The following PPM1H variants were observed in gnomAD, a reference collection of about 807,000 sequenced individuals.
PPM1H encodes protein phosphatase, Mg2+/Mn2+ dependent 1H, also known as protein phosphatase 1H.
Under a neutral mutation model 54.9 loss-of-function variants are expected in PPM1H, and 27 were observed. The observed-to-expected ratio is 0.49, with a 90% CI of 0.36 to 0.68. PPM1H has a LOEUF of 0.68. PPM1H is among the 30% of genes least tolerant of loss of function. The pLI, the probability that PPM1H is intolerant of heterozygous loss-of-function variation, is 0.00. For synonymous variants in PPM1H, 305 were observed against 270.8 expected (o/e 1.13, Z -1.24); for missense variants, 596 against 667.8 (o/e 0.89, Z 1.19).
chr12:62,684,332 G>A (rs2076040186), intron 8 of PPM1H, among the ~76,000 whole-genome samples: 1 of 152,164 alleles, frequency 6.6e-6, no homozygotes, highest in Non-Finnish European at 1.5e-5. Flanking sequence ...AGGTTTGAGA[G>A]AAGCTCAGCA....
chr12:62,821,853 C>T (rs548034022), intron 2 of PPM1H, among the ~76,000 whole-genome samples: 37 of 152,190 alleles, frequency 2.4e-4, no homozygotes, highest in Admixed American at 2.0e-4. Flanking sequence ...ACTGCATCAA[C>T]TAATGGGCAA....
chr12:62,754,615 G>A (rs1368459050), intron 4 of PPM1H, among the ~76,000 whole-genome samples: 3 of 152,186 alleles, frequency 2.0e-5, no homozygotes, highest in African/African-American at 7.2e-5. Flanking sequence ...ATGAGGGCTA[G>A]TGAAAGAAAG....
chr12:62,790,446 C>T (rs2076695908), intron 3 of PPM1H, among the ~76,000 whole-genome samples: 1 of 152,130 alleles, frequency 6.6e-6, no homozygotes, highest in South Asian at 2.1e-4. Context: ...GTGGCACATG[C>T]CTGTAGTCTT....
chr12:62,857,237 T>G (rs141368143), intron 1 of PPM1H, among the ~76,000 whole-genome samples: 30 of 144,910 alleles, frequency 2.1e-4, no homozygotes, highest in Non-Finnish European at 1.2e-4. Context: ...AACAAACAAA[T>G]AAAGGAAGGA....
chr12:62,762,461 G>A (rs2076514941), intron 4 of PPM1H, among the ~76,000 whole-genome samples: 5 of 152,204 alleles, frequency 3.3e-5, no homozygotes, highest in Admixed American at 3.3e-4. Flanking sequence ...AGACTCTGTT[G>A]GAGGCTCAGA....
chr12:62,751,314 G>T (rs1387635145), intron 4 of PPM1H, among the ~76,000 whole-genome samples: 3 of 152,202 alleles, frequency 2.0e-5, no homozygotes, highest in Non-Finnish European at 4.4e-5. Flanking sequence ...GTCCCAAGAA[G>T]AGGAGTAAAC....
chr12:62,832,376 C>G, intron 1 of PPM1H, 97 bp from the exon 2 acceptor site: 2 of 1,161,822 alleles, frequency 1.7e-6, no homozygotes, highest in Non-Finnish European at 2.5e-6. Flanking sequence ...TACAACTGGC[C>G]CAGAACTACA....
At chr12:62,688,455 A>G (rs1342323992) in intron 8 of PPM1H, among the ~76,000 whole-genome samples, 2 of 152,154 alleles carry the variant, frequency 1.3e-5, no homozygotes, top group African/African-American at 4.8e-5. Flanking sequence ...AAAAACTGTA[A>G]TTACTTTTGC....
intron 1 of PPM1H, among the ~76,000 whole-genome samples, chr12:62,872,431 A>C (rs10506453): frequency 0.23 from 34,492 of 152,128 alleles, 4,249 homozygotes; most frequent in African/African-American, 0.32. Flanking sequence ...TGAATTTTAC[A>C]AATGGCATAG....
rs537613897 is a variant in PPM1H, at chr12:62,820,234, A to ACCT, written c.411+11879_411+11880insAGG. On this transcript the variant is annotated intron_variant, in intron 2 of 9. Transcript: ENST00000228705. ...TGCCACTGCTGAAGCTTGAGTAGGT[A>ACCT]AACAAAGCGGCTGGGGAAGCTCGAA... Among the ~76,000 whole-genome samples, 96 of 152,364 alleles carry ACCT rather than the reference A, an allele frequency of 6.3e-4. 1 individual carries two copies. In the South Asian group the frequency reaches 0.013, roughly 21 times the overall value.
At chr12:62,663,434 G>A (rs1375062428) in intron 9 of PPM1H, among the ~76,000 whole-genome samples, 2 of 152,100 alleles carry the variant, frequency 1.3e-5, no homozygotes, top group Non-Finnish European at 2.9e-5. Context: ...TGATCCTCCT[G>A]CTTCAGCCTC....
intron 1 of PPM1H, among the ~76,000 whole-genome samples, chr12:62,841,590 GT>G (rs1389031801): frequency 6.6e-6 from 1 of 152,116 alleles, no homozygotes; most frequent in Non-Finnish European, 1.5e-5. Flanking sequence ...ATCTGAAATT[GT>G]TTTTGCAGAT....
Position 62,934,345 on chromosome 12 carries a change from G to A in PPM1H, c.245+147C>T. The A allele has an allele frequency of 8.5e-7, 1 of 1,178,078 alleles. No individual in the cohort carries two copies. The highest frequency in any genetic ancestry group is 1.1e-6 in the Non-Finnish European group (1 of 881,334). The allele number at this position is 1,178,078 out of a possible 1,614,324, so 73.0% of individuals were successfully genotyped here. A position where few individuals can be genotyped will look rare whatever the true frequency, so the allele number is the denominator to read the frequency against. On this transcript the variant is annotated intron_variant, in intron 1 of 9. Coordinates refer to ENST00000228705, the MANE Select transcript of PPM1H (RefSeq NM_020700.2). This position sits in a 1 kb window ranked among gnomAD's most constrained non-coding sequence, Gnocchi z 4.2. ...AGTGGGGAGAAGAGGGAAATGGCCA[G>A]TGTAAGTAAAGAGCTCCCCGCCGAG... is the stretch of plus-strand genomic sequence containing the variant.
chr12:62,651,553 G>A (rs894105707), intron 9 of PPM1H, among the ~76,000 whole-genome samples: 1 of 152,140 alleles, frequency 6.6e-6, no homozygotes, highest in African/African-American at 2.4e-5. Flanking sequence ...TGGCTACCCA[G>A]GAAACTCATT....
intron 4 of PPM1H, among the ~76,000 whole-genome samples, chr12:62,787,052 G>A (rs2076676196): frequency 1.3e-5 from 2 of 152,200 alleles, no homozygotes; most frequent in African/African-American, 4.8e-5. Flanking sequence ...TTGTTCTCTG[G>A]GATCTTCCCT....
intron 4 of PPM1H, among the ~76,000 whole-genome samples, chr12:62,774,656 T>C (rs1165889715): frequency 6.6e-6 from 1 of 152,222 alleles, no homozygotes; most frequent in East Asian, 1.9e-4. Flanking sequence ...AACATCTGTC[T>C]CTGTAGTTAT....
At chr12:62,797,087 T>A (rs772943284) in intron 3 of PPM1H, among the ~76,000 whole-genome samples, 1 of 152,186 alleles carries the variant, frequency 6.6e-6, no homozygotes, top group East Asian at 1.9e-4. Flanking sequence ...CAGCATTCCA[T>A]TGAGGGACAA....
intron 1 of PPM1H, among the ~76,000 whole-genome samples, chr12:62,901,264 C>T (rs1871158589): frequency 6.6e-6 from 1 of 152,186 alleles, no homozygotes; most frequent in Non-Finnish European, 1.5e-5. Context: ...GGGAGGTGAG[C>T]TTACATTTAC....
At position 62,923,591 on chromosome 12, in the gene PPM1H, G is replaced by A. The variant is rs376206318; in HGVS notation, c.245+10901C>T. On this transcript the variant is annotated intron_variant, in intron 1 of 9. Transcript: ENST00000228705. ...TAATTTTTGTATTTTAAGTAGTGACGAGGTTTCACCACATCGGCCAAGCTG... is the reference window on the plus strand; with the variant it reads ...TAATTTTTGTATTTTAAGTAGTGACAAGGTTTCACCACATCGGCCAAGCTG... Among the ~76,000 whole-genome samples, 174 of 152,164 alleles carry A rather than the reference G, an allele frequency of 1.1e-3. 2 individuals carry two copies. The East Asian group carries it at 0.025, about 21-fold the overall frequency.
Sources: gnomAD v4.1 joint callset for allele counts (sites outside exome capture counted in the v4.1 genomes callset) on GRCh38, gnomAD v4.1.1 for gene constraint, Gnocchi (gnomAD v3.1) non-coding constraint, MANE v1.5 for transcripts, NCBI Gene and HGNC (gene_info 2026-07-23, HGNC 2026-07-21) for gene names.